Variants in EIF3B observed in about 807,000 individuals in gnomAD.
EIF3B encodes eukaryotic translation initiation factor 3 subunit B.
A neutral mutation model predicts 104.6 loss-of-function variants in EIF3B; 10 were observed. The ratio of observed to expected loss-of-function variants is 0.10; its 90% confidence interval spans 0.06 to 0.16. The LOEUF (loss-of-function observed/expected upper bound fraction) is 0.16, where lower values mean the gene tolerates loss of function less well. EIF3B is among the 10% of genes least tolerant of loss of function. EIF3B has a pLI of 1.00. For missense variants in EIF3B, 1,014 were observed against 1,087.9 expected, an observed-to-expected ratio of 0.93 and a Z score of 0.96; for synonymous variants, 542 against 417.2, an observed-to-expected ratio of 1.30 and a Z score of -3.65.
intron 15 of EIF3B, 51 bp downstream of exon 15, chr7:2,377,126 G>T (rs41273063): frequency 6.5e-7 from 1 of 1,549,210 alleles, no homozygotes. Flanking sequence ...CAATTGTGGC[G>T]TTGAAAAGGT....
chr7:2,364,983 T>A (rs1779926917), intron 6 of EIF3B, among the ~76,000 whole-genome samples: 1 of 152,256 alleles, frequency 6.6e-6, no homozygotes, highest in African/African-American at 2.4e-5. Context: ...GTCCTTCCTC[T>A]ATCACCCAGG....
In EIF3B at chr7:2,369,462, T is replaced by C. The variant is rs758534447; in HGVS notation, c.1404-10T>C. The C allele has an allele frequency of 5.6e-6, 9 of 1,613,678 alleles. No homozygotes were observed. Among genetic ancestry groups the C allele is most frequent in the Middle Eastern group, 3.3e-4 (2 of 6,060 alleles). On this transcript the variant is annotated splice_polypyrimidine_tract_variant and intron_variant, in intron 9 of 18. Coordinates refer to ENST00000360876, the MANE Select transcript of EIF3B (RefSeq NM_001037283.2). Reference sequence around the variant, plus strand: ...TCTTTGCTTTAACATTTTATTTTCCTGTTCTGCAGAGACTTTTCTTGGTCT... The same window carrying C: ...TCTTTGCTTTAACATTTTATTTTCCCGTTCTGCAGAGACTTTTCTTGGTCT...
At chr7:2,377,548 A>G (rs10950684) in intron 15 of EIF3B, among the ~76,000 whole-genome samples, 25,183 of 55,164 alleles carry the variant, frequency 0.46, 4,247 homozygotes, top group East Asian at 0.59. Flanking sequence ...AGGAGCAGGC[A>G]CGAGCGCTCC....
In EIF3B at chr7:2,370,655, T is replaced by G. The variant is rs140785369; in HGVS notation, c.1614+973T>G. On this transcript the variant is annotated intron_variant, in intron 10 of 18. Transcript: ENST00000360876. ...AGTTATGCAGCCACCACCACTCATT[T>G]CAGAACGTTTTCATCGGCTGGGTGC... Among the ~76,000 whole-genome samples the G allele has an allele frequency of 2.1e-4, 32 of 152,264 alleles. No homozygotes were observed. In the East Asian group the frequency reaches 5.8e-3, roughly 28 times the overall value.
chr7:2,362,942 C>T, intron 3 of EIF3B, 128 bp from the exon 4 acceptor site: 1 of 1,429,324 alleles, frequency 7.0e-7, no homozygotes, highest in Non-Finnish European at 9.7e-7. Flanking sequence ...CAGCACCCCT[C>T]CCTGTTATGC....
At chr7:2,366,837 C>G in intron 8 of EIF3B, 162 bp from the exon 9 acceptor site, 2 of 848,084 alleles carry the variant, frequency 2.4e-6, no homozygotes, top group South Asian at 1.6e-5. Context: ...AACTGCAGTT[C>G]TGGGTGGCGG....
intron 1 of EIF3B, among the ~76,000 whole-genome samples, chr7:2,357,542 A>G (rs1202711019): frequency 2.6e-5 from 4 of 152,222 alleles, no homozygotes; most frequent in Non-Finnish European, 5.9e-5. Flanking sequence ...TTTGGTACAG[A>G]TTAGCTTCTC....
intron 2 of EIF3B, among the ~76,000 whole-genome samples, chr7:2,361,378 C>A (rs1192642655): frequency 1.3e-5 from 2 of 152,200 alleles, no homozygotes. Flanking sequence ...CCTCTTGACC[C>A]TCAGTTACTC....
At chr7:2,355,572 C>T in intron 1 of EIF3B, 152 bp downstream of exon 1, 3 of 1,124,008 alleles carry the variant, frequency 2.7e-6, no homozygotes, top group Non-Finnish European at 2.4e-6. Context: ...GGGAGGGGTT[C>T]CCGAGTGCCC....
At chr7:2,358,530 T>G (rs1779573915) in intron 1 of EIF3B, among the ~76,000 whole-genome samples, 1 of 152,068 alleles carries the variant, frequency 6.6e-6, no homozygotes, top group Non-Finnish European at 1.5e-5. Context: ...GGAATTATCA[T>G]TATTATTATT....
chr7:2,355,279 C>T lies in EIF3B; in HGVS notation c.358C>T (p.Arg120Trp), dbSNP rs369063429. ...EQARDERSDS[R>W]AQAVSEDAGG... Reference sequence around the variant, plus strand: ...GGCTCGGGACGAGCGCTCCGACAGCCGGGCCCAGGCGGTGTCCGAGGACGC... The same window carrying T: ...GGCTCGGGACGAGCGCTCCGACAGCTGGGCCCAGGCGGTGTCCGAGGACGC... The change falls in exon 1 of 19, where the codon CGG becomes TGG. Residue 120 changes from arginine to tryptophan, a missense_variant. Physicochemically the swap from Arg to Trp is moderately radical, Grantham distance 101. This residue lies in a region of EIF3B where 488 missense variants were observed against 404.3 expected (regional missense o/e 1.21). Transcript: ENST00000360876. 5.1e-5 allele frequency: 78 copies of T among 1,534,156 alleles called. No individual in the cohort carries two copies. In the African/African-American group the frequency reaches 9.4e-4, roughly 18 times the overall value.
intron 10 of EIF3B, among the ~76,000 whole-genome samples, chr7:2,370,429 C>T (rs1445822980): frequency 6.6e-6 from 1 of 151,850 alleles, no homozygotes; most frequent in Non-Finnish European, 1.5e-5. Flanking sequence ...GTGAACAGAG[C>T]GAGATTGCGC....
rs1361069645 is a variant in EIF3B, at chr7:2,357,050, T to A, written c.499+1630T>A. Among the ~76,000 whole-genome samples the A allele has an allele frequency of 1.2e-4, 19 of 152,206 alleles. 1 individual carries two copies. The highest frequency in any genetic ancestry group is 1.2e-3 in the Admixed American group (19 of 15,274). On this transcript the variant is annotated intron_variant, in intron 1 of 18. Coordinates refer to ENST00000360876, the MANE Select transcript of EIF3B (RefSeq NM_001037283.2). Reference sequence around the variant, plus strand: ...CTCCTGCTCAGAACAGTGTTCTTTCTAACGCTTCAATTGTTATTATGGTTT... The same window carrying A: ...CTCCTGCTCAGAACAGTGTTCTTTCAAACGCTTCAATTGTTATTATGGTTT...
intron 2 of EIF3B, 95 bp downstream of exon 2, chr7:2,360,997 T>C (rs907178722): frequency 9.3e-7 from 1 of 1,075,896 alleles, no homozygotes; most frequent in Non-Finnish European, 1.3e-6. Context: ...GCTCCTGCCT[T>C]GCCCAGGCAC....
intron 10 of EIF3B, among the ~76,000 whole-genome samples, chr7:2,371,546 CAG>C (rs1027672318): frequency 6.6e-6 from 1 of 152,120 alleles, no homozygotes; most frequent in Admixed American, 6.5e-5. Context: ...GGATCTGGGT[CAG>C]AGTTACTTCA....
chr7:2,380,538 C>T lies in EIF3B; in HGVS notation c.*349C>T. On this transcript the variant is annotated 3_prime_UTR_variant, in exon 19 of 19. Coordinates refer to ENST00000360876, the MANE Select transcript of EIF3B (RefSeq NM_001037283.2). ...AGCGACGCCACTGGCGGCACCTTCTCCTGCGCCCAGTGATGTTTCCACGGT... is the reference window on the plus strand; with the variant it reads ...AGCGACGCCACTGGCGGCACCTTCTTCTGCGCCCAGTGATGTTTCCACGGT... 1 of 408,972 alleles carries T rather than the reference C, an allele frequency of 2.4e-6. No homozygotes were observed. Among genetic ancestry groups the T allele is most frequent in the Non-Finnish European group, 4.9e-6 (1 of 205,646 alleles). 25.3% of individuals were successfully genotyped at this position (408,972 alleles called of 1,614,324 possible). A position where few individuals can be genotyped will look rare whatever the true frequency, so the allele number is the denominator to read the frequency against.
chr7:2,378,257 T>A (rs1333732060), intron 15 of EIF3B: 30 of 185,976 alleles, frequency 1.6e-4, no homozygotes, highest in Non-Finnish European at 1.1e-4. Flanking sequence ...CGAGCACTGC[T>A]GGGATGCTGT....
chr7:2,375,368 C>T (rs368932209), intron 13 of EIF3B, 21 bp from the exon 14 acceptor site: 27 of 1,613,292 alleles, frequency 1.7e-5, no homozygotes, highest in Non-Finnish European at 1.7e-5. Context: ...TGAAGCCTGA[C>T]GGTCCTGTCT....
intron 2 of EIF3B, among the ~76,000 whole-genome samples, chr7:2,361,349 G>A (rs190693529): frequency 8.9e-4 from 136 of 152,316 alleles, no homozygotes; most frequent in African/African-American, 3.0e-3. Flanking sequence ...TCTGTGTTGG[G>A]CAGTCAGTTG....
Sources: allele counts gnomAD v4.1 joint callset (sites outside exome capture counted in the v4.1 genomes callset), GRCh38; gene constraint gnomAD v4.1.1; regional missense constraint gnomAD v4.1.1; transcripts MANE v1.5; gene names NCBI Gene and HGNC (gene_info 2026-07-23, HGNC 2026-07-21).